The following RAD51B variants were observed in gnomAD, a reference collection of about 807,000 sequenced individuals.
RAD51B encodes DNA repair protein RAD51 homolog 2.
RAD51B carries 38 observed loss-of-function variants against 42.2 expected under a neutral mutation model. That is an observed-to-expected ratio of 0.90 (90% CI 0.70 to 1.18). The LOEUF is 1.18. RAD51B is among the 50% of genes most tolerant of loss of function. The pLI is 0.00. For missense variants in RAD51B, 373 were observed against 400.7 expected (o/e 0.93, Z 0.59); for synonymous variants, 154 against 145.2 (o/e 1.06, Z -0.43).
rs901213428 is a variant in RAD51B, at chr14:67,844,231, GT to G, written c.315+9046del. 2.5e-3 allele frequency among the ~76,000 whole-genome samples: 372 copies of G among 146,710 alleles called. 1 individual carries two copies. The highest frequency in any genetic ancestry group is 5.8e-3 in the African/African-American group (234 of 40,352). On this transcript the variant is annotated intron_variant, in intron 4 of 10. Transcript: ENST00000471583. Reference sequence around the variant, plus strand: ...CAAGAGTGTGATTGGTATGATTGCAGTTTTTTTTTTTAATTTGTTGACTATT... The same window carrying G: ...CAAGAGTGTGATTGGTATGATTGCAGTTTTTTTTTTAATTTGTTGACTATT...
At chr14:68,393,788 C>T (rs2083831183) in intron 8 of RAD51B, among the ~76,000 whole-genome samples, 1 of 152,190 alleles carries the variant, frequency 6.6e-6, no homozygotes, top group Non-Finnish European at 1.5e-5. Context: ...CCCCTTTTAA[C>T]TTCCTTTACT....
At chr14:68,537,181 G>T (rs1887676690) in intron 10 of RAD51B, among the ~76,000 whole-genome samples, 2 of 149,766 alleles carry the variant, frequency 1.3e-5, no homozygotes, top group African/African-American at 4.9e-5. Flanking sequence ...CTACCTTAAT[G>T]TTGGTTAAAG....
chr14:67,882,121 T>C (rs12434751), intron 5 of RAD51B, among the ~76,000 whole-genome samples: 49,631 of 152,032 alleles, frequency 0.33, 8,678 homozygotes, highest in Middle Eastern at 0.46. Context: ...CACAGGCATA[T>C]GCCACCATGC....
intron 3 of RAD51B, among the ~76,000 whole-genome samples, chr14:67,830,207 A>G (rs1301403990): frequency 6.6e-6 from 1 of 152,200 alleles, no homozygotes; most frequent in Non-Finnish European, 1.5e-5. Flanking sequence ...GGAAACTCAT[A>G]AAAGGGTATA....
intron 7 of RAD51B, among the ~76,000 whole-genome samples, chr14:67,986,790 G>A (rs2075201798): frequency 6.6e-6 from 1 of 152,158 alleles, no homozygotes. Context: ...GGAGTTCAGT[G>A]GCGTGATCTC....
intron 8 of RAD51B, among the ~76,000 whole-genome samples, chr14:68,374,737 C>T (rs2083331548): frequency 6.7e-6 from 1 of 149,084 alleles, no homozygotes; most frequent in African/African-American, 2.5e-5. Context: ...TTCCTGGCTT[C>T]CCATACCCTA....
chr14:68,467,146 T>C (rs1052841330), intron 9 of RAD51B, among the ~76,000 whole-genome samples: 5 of 152,334 alleles, frequency 3.3e-5, no homozygotes, highest in African/African-American at 9.6e-5. Flanking sequence ...AGAAATACTA[T>C]AATAAAATAA....
intron 10 of RAD51B, among the ~76,000 whole-genome samples, chr14:68,606,109 G>A (rs1304420484): frequency 6.6e-6 from 1 of 152,200 alleles, no homozygotes; most frequent in African/African-American, 2.4e-5. Context: ...ACTTGGGCCG[G>A]GTGGGACTCT....
intron 7 of RAD51B, among the ~76,000 whole-genome samples, chr14:68,065,288 G>A (rs1234877404): frequency 6.6e-6 from 1 of 152,186 alleles, no homozygotes; most frequent in Non-Finnish European, 1.5e-5. Flanking sequence ...TGTGAGGCTG[G>A]CCTACCTACT....
chr14:68,429,670 T>C (rs1456572469), intron 9 of RAD51B, among the ~76,000 whole-genome samples: 1 of 152,236 alleles, frequency 6.6e-6, no homozygotes, highest in African/African-American at 2.4e-5. Context: ...ATGAGTAGAT[T>C]GCAAAAATTT....
Position 68,023,435 on chromosome 14 carries a change from C to T in RAD51B, c.756+136231C>T, listed in dbSNP as rs569845711. 4.6e-5 allele frequency among the ~76,000 whole-genome samples: 7 copies of T among 152,240 alleles called. No homozygotes were observed. In the East Asian group the frequency reaches 1.4e-3, roughly 29 times the overall value. The stretch of plus-strand genomic sequence containing the variant: ...CTCCGCCTCCCAGGTTCAAGCGGTT[C>T]TCCTGCCTCGCCTCCTGAGTAGCTG... On this transcript the variant is annotated intron_variant, in intron 7 of 10. Transcript: ENST00000471583.
chr14:68,114,677 A>G (rs2077511516), intron 7 of RAD51B, among the ~76,000 whole-genome samples: 1 of 152,258 alleles, frequency 6.6e-6, no homozygotes, highest in East Asian at 1.9e-4. Context: ...ACAAATAGAG[A>G]TATTATTAAT....
intron 8 of RAD51B, among the ~76,000 whole-genome samples, chr14:68,348,071 G>A (rs1348175155): frequency 6.6e-6 from 1 of 152,160 alleles, no homozygotes; most frequent in Non-Finnish European, 1.5e-5. Flanking sequence ...AGTGACCATT[G>A]CATGGACCAT....
intron 7 of RAD51B, among the ~76,000 whole-genome samples, chr14:68,128,730 T>C (rs2077824692): frequency 6.6e-6 from 1 of 152,170 alleles, no homozygotes; most frequent in Non-Finnish European, 1.5e-5. Context: ...GATACTGCTC[T>C]GTATCTCTGC....
intron 7 of RAD51B, among the ~76,000 whole-genome samples, chr14:67,894,500 G>A (rs2043340855): frequency 6.6e-6 from 1 of 152,204 alleles, no homozygotes. Flanking sequence ...TAATAAAGAT[G>A]AATAAAACAT....
chr14:68,610,262 G>A (rs1891625105), intron 10 of RAD51B, among the ~76,000 whole-genome samples: 1 of 152,132 alleles, frequency 6.6e-6, no homozygotes, highest in Admixed American at 6.5e-5. Flanking sequence ...CTGCATGTCT[G>A]GTCAGCCTCC....
intron 8 of RAD51B, among the ~76,000 whole-genome samples, chr14:68,310,772 G>T (rs2139725816): frequency 6.6e-6 from 1 of 152,284 alleles, no homozygotes; most frequent in African/African-American, 2.4e-5. Context: ...TTGAACCTGG[G>T]AGGCAGAGGT....
chr14:68,574,482 A>C (rs980701091), intron 10 of RAD51B, among the ~76,000 whole-genome samples: 4 of 152,230 alleles, frequency 2.6e-5, no homozygotes, highest in Non-Finnish European at 4.4e-5. Flanking sequence ...TTATTTAAAA[A>C]TAATCCAACT....
At chr14:68,443,289 C>T (rs934153321) in intron 9 of RAD51B, among the ~76,000 whole-genome samples, 5 of 152,138 alleles carry the variant, frequency 3.3e-5, no homozygotes, top group African/African-American at 4.8e-5. Flanking sequence ...GGCTTCCCAT[C>T]GAGTCAGCAC....
Sources: gnomAD v4.1 joint callset for allele counts (sites outside exome capture counted in the v4.1 genomes callset) on GRCh38, gnomAD v4.1.1 for gene constraint, MANE v1.5 for transcripts, NCBI Gene and HGNC (gene_info 2026-07-23, HGNC 2026-07-21) for gene names.